ALMS1: variants seen among roughly 807,000 people sequenced by gnomAD.
The protein encoded by ALMS1 is centrosome-associated protein ALMS1.
A neutral mutation model predicts 352.2 loss-of-function variants in ALMS1; 271 were observed. The observed-to-expected ratio is 0.77, with a 90% CI of 0.70 to 0.85. The LOEUF is 0.85. ALMS1 is among the 40% of genes least tolerant of loss of function. The pLI is 0.00. For missense variants in ALMS1, 5,445 were observed against 4,870.7 expected, an observed-to-expected ratio of 1.12 and a Z score of -3.51; for synonymous variants, 1,865 against 1,761.2, an observed-to-expected ratio of 1.06 and a Z score of -1.48.
At chr2:73,482,218 C>G (rs1672723710) in intron 9 of ALMS1, among the ~76,000 whole-genome samples, 1 of 152,170 alleles carries the variant, frequency 6.6e-6, no homozygotes, top group African/African-American at 2.4e-5. Flanking sequence ...GTGGGTTTGT[C>G]ATAGATAACT....
At position 73,413,083 on chromosome 2, in the gene ALMS1, T is replaced by C. The variant is rs187165968; in HGVS notation, c.450+4336T>C. Reference sequence around the variant, plus strand: ...TTCATTTCTCTAATGACTAATGATATATAGCATCTTTTTGTGTGCTTATTT... The same window carrying C: ...TTCATTTCTCTAATGACTAATGATACATAGCATCTTTTTGTGTGCTTATTT... On this transcript the variant is annotated intron_variant, in intron 2 of 22. Transcript: ENST00000613296. 1.9e-4 allele frequency among the ~76,000 whole-genome samples: 29 copies of C among 152,170 alleles called. No individual in the cohort carries two copies. In the East Asian group the frequency reaches 3.7e-3, roughly 19 times the overall value.
At chr2:73,501,096 G>A (rs1480391678) in intron 10 of ALMS1, among the ~76,000 whole-genome samples, 1 of 152,066 alleles carries the variant, frequency 6.6e-6, no homozygotes, top group Non-Finnish European at 1.5e-5. Flanking sequence ...GACTAATGAT[G>A]CTGAGCATCT....
At chr2:73,598,668 C>T (rs539764728) in intron 16 of ALMS1, among the ~76,000 whole-genome samples, 9 of 152,310 alleles carry the variant, frequency 5.9e-5, no homozygotes, top group Admixed American at 2.6e-4. Flanking sequence ...TACCAGACCC[C>T]TCCCCTAGAG....
chr2:73,504,835 C>G (rs367966882), intron 10 of ALMS1, among the ~76,000 whole-genome samples: 7 of 152,094 alleles, frequency 4.6e-5, no homozygotes, highest in Non-Finnish European at 8.8e-5. Context: ...CACCCATCAA[C>G]TCGTCATCTA....
chr2:73,409,789 C>T (rs1473366538), intron 2 of ALMS1, among the ~76,000 whole-genome samples: 1 of 152,044 alleles, frequency 6.6e-6, no homozygotes, highest in Non-Finnish European at 1.5e-5. Context: ...ATAGAATTGG[C>T]TTATGTGATC....
chr2:73,557,896 T>C (rs1674578042), intron 14 of ALMS1, among the ~76,000 whole-genome samples: 9 of 152,210 alleles, frequency 5.9e-5, no homozygotes, highest in Admixed American at 5.9e-4. Context: ...TTTGTAAAAC[T>C]CCAGAGGTAA....
At chr2:73,511,673 C>T (rs1456444257) in intron 10 of ALMS1, among the ~76,000 whole-genome samples, 1 of 152,120 alleles carries the variant, frequency 6.6e-6, no homozygotes, top group Non-Finnish European at 1.5e-5. Flanking sequence ...TTTTTTATTT[C>T]TCTATGACAG....
chr2:73,431,602 T>TA (rs1671499911), intron 6 of ALMS1, among the ~76,000 whole-genome samples: 1 of 152,242 alleles, frequency 6.6e-6, no homozygotes, highest in Non-Finnish European at 1.5e-5. Flanking sequence ...TTTGAGCAGT[T>TA]ACCCTTTACT....
At position 73,453,017 on chromosome 2, in the gene ALMS1, G is replaced by A. The variant is rs1185410382; in HGVS notation, c.6490G>A (p.Asp2164Asn). The change falls in exon 8 of 23, where the codon GAT becomes AAT. Residue 2164 changes from aspartate (D) to asparagine (N), a missense_variant. Coordinates refer to ENST00000613296, the MANE Select transcript of ALMS1 (RefSeq NM_001378454.1). The part of the protein sequence containing the change: ...KDLPDRHLTE[D>N]ALKISSALGQ... ...TTTGCCAGATAGACATCTAACTGAAGATGCTCTAAAGATCTCAAGTGCTCT... is the reference window on the plus strand; with the variant it reads ...TTTGCCAGATAGACATCTAACTGAAAATGCTCTAAAGATCTCAAGTGCTCT... The A allele has an allele frequency of 6.2e-7, 1 of 1,613,084 alleles. No homozygotes were observed. Among genetic ancestry groups the A allele is most frequent in the African/African-American group, 1.3e-5 (1 of 74,882 alleles).
chr2:73,568,412 G>A (rs1269653142), intron 15 of ALMS1, among the ~76,000 whole-genome samples: 4 of 152,116 alleles, frequency 2.6e-5, no homozygotes, highest in Non-Finnish European at 4.4e-5. Context: ...ATAAAATGAA[G>A]CTACACATAA....
chr2:73,409,451 C>G (rs927041477), intron 2 of ALMS1, among the ~76,000 whole-genome samples: 3 of 151,890 alleles, frequency 2.0e-5, no homozygotes, highest in African/African-American at 7.3e-5. Flanking sequence ...TTCTTAAGAG[C>G]TTTTGTTTAT....
At chr2:73,487,587 A>G (rs1263385967) in intron 9 of ALMS1, among the ~76,000 whole-genome samples, 4 of 152,126 alleles carry the variant, frequency 2.6e-5, no homozygotes, top group Non-Finnish European at 4.4e-5. Context: ...TCCCTGCAAC[A>G]TGGCAGGCGG....
At chr2:73,442,545 C>A (rs1671739490) in intron 7 of ALMS1, among the ~76,000 whole-genome samples, 1 of 152,002 alleles carries the variant, frequency 6.6e-6, no homozygotes, top group Non-Finnish European at 1.5e-5. Flanking sequence ...GAGAGGGCAC[C>A]AATTTAATTT....
At chr2:73,454,132 A>C (rs1257105158) in intron 8 of ALMS1, 65 bp downstream of exon 8, 55 of 1,547,130 alleles carry the variant, frequency 3.6e-5, no homozygotes, top group Non-Finnish European at 4.6e-5. Flanking sequence ...TTAGATATTT[A>C]TGTTTTGAGG....
At chr2:73,411,514 A>T (rs748963407) in intron 2 of ALMS1, among the ~76,000 whole-genome samples, 126 of 152,314 alleles carry the variant, frequency 8.3e-4, no homozygotes, top group Middle Eastern at 3.4e-3. Context: ...TTGGTAGAGC[A>T]CAGTCCAAAA....
chr2:73,577,942 G>C (rs1263065208), intron 16 of ALMS1, among the ~76,000 whole-genome samples: 5 of 152,096 alleles, frequency 3.3e-5, no homozygotes, highest in African/African-American at 1.2e-4. Flanking sequence ...TCAGTCTTTT[G>C]TCCAGTTTTT....
At chr2:73,606,205 A>C (rs1420475949) in intron 21 of ALMS1, among the ~76,000 whole-genome samples, 1 of 152,200 alleles carries the variant, frequency 6.6e-6, no homozygotes, top group Non-Finnish European at 1.5e-5. Context: ...GCTTATTGTT[A>C]TTTCAAGTGA....
chr2:73,395,404 A>G (rs1384173442), intron 1 of ALMS1, among the ~76,000 whole-genome samples: 1 of 152,094 alleles, frequency 6.6e-6, no homozygotes, highest in African/African-American at 2.4e-5. Context: ...TAGGACCACC[A>G]TTATGTATGT....
chr2:73,540,692 A>T (rs1354056257), intron 12 of ALMS1, among the ~76,000 whole-genome samples: 1 of 152,194 alleles, frequency 6.6e-6, no homozygotes, highest in Non-Finnish European at 1.5e-5. Flanking sequence ...TACCAAGCAA[A>T]TGGAAAACAA....
Sources: gnomAD v4.1 joint callset for allele counts (sites outside exome capture counted in the v4.1 genomes callset) on GRCh38, gnomAD v4.1.1 for gene constraint, MANE v1.5 for transcripts, NCBI Gene and HGNC (gene_info 2026-07-23, HGNC 2026-07-21) for gene names.